ZBTB7C: variants seen among roughly 807,000 people sequenced by gnomAD.
ZBTB7C encodes zinc finger and BTB domain-containing protein 7C.
ZBTB7C carries 8 observed loss-of-function variants against 25.7 expected under a neutral mutation model. That is an observed-to-expected ratio of 0.31 (90% confidence interval 0.18 to 0.56). The LOEUF is 0.56. Ranked by LOEUF, ZBTB7C falls within the 20% of genes least tolerant of loss-of-function variation. The probability of loss-of-function intolerance (pLI) is 0.91; values close to 1 mark genes in which losing one functional copy is unlikely to be tolerated. For synonymous variants in ZBTB7C, 394 were observed against 369.0 expected, an observed-to-expected ratio of 1.07 and a Z score of -0.78; for missense variants, 824 against 855.2, an observed-to-expected ratio of 0.96 and a Z score of 0.46.
chr18:48,364,327 G>A (rs937657444), intron 1 of ZBTB7C: 1 of 152,376 alleles, frequency 6.6e-6, no homozygotes, highest in African/African-American at 2.4e-5. Context: ...CAGAGGGACA[G>A]GCTGCGGGAG....
At chr18:48,116,121 A>T (rs533278260) in intron 3 of ZBTB7C, among the ~76,000 whole-genome samples, 10 of 152,184 alleles carry the variant, frequency 6.6e-5, no homozygotes, top group African/African-American at 2.4e-4. Flanking sequence ...CCATTCCTCT[A>T]CACCGTCCCC....
chr18:48,242,191 T>C (rs1232487236), intron 2 of ZBTB7C, among the ~76,000 whole-genome samples: 1 of 152,014 alleles, frequency 6.6e-6, no homozygotes, highest in Admixed American at 6.5e-5. Context: ...AGCAGTGAGA[T>C]TGAAATGGTA....
At chr18:48,250,420 T>C (rs957185069) in intron 2 of ZBTB7C, among the ~76,000 whole-genome samples, 1 of 152,152 alleles carries the variant, frequency 6.6e-6, no homozygotes, top group Non-Finnish European at 1.5e-5. Context: ...CACAGCACTA[T>C]GTGAGCATTA....
At chr18:48,063,394 G>A (rs2037199479) in intron 3 of ZBTB7C, among the ~76,000 whole-genome samples, 2 of 152,232 alleles carry the variant, frequency 1.3e-5, no homozygotes, top group Admixed American at 6.5e-5. Context: ...TGCTTAACCT[G>A]GGCACCTTAA....
chr18:48,050,842 A>G (rs184045895), intron 3 of ZBTB7C, among the ~76,000 whole-genome samples: 2 of 152,236 alleles, frequency 1.3e-5, no homozygotes, highest in East Asian at 3.9e-4. Context: ...TGGGTTAACA[A>G]TGCCACATGC....
chr18:48,225,724 C>A (rs1252848117), intron 2 of ZBTB7C, among the ~76,000 whole-genome samples: 1 of 152,042 alleles, frequency 6.6e-6, no homozygotes, highest in African/African-American at 2.4e-5. Flanking sequence ...CTTAGAATGT[C>A]ACCATCATGT....
intron 2 of ZBTB7C, among the ~76,000 whole-genome samples, chr18:48,261,621 C>A (rs1179874432): frequency 6.6e-6 from 1 of 152,196 alleles, no homozygotes; most frequent in Non-Finnish European, 1.5e-5. Context: ...ACAGCTCTGC[C>A]TGGAATCCTC....
intron 2 of ZBTB7C, among the ~76,000 whole-genome samples, chr18:48,283,170 T>C (rs2044925622): frequency 6.6e-6 from 1 of 152,164 alleles, no homozygotes; most frequent in Non-Finnish European, 1.5e-5. Context: ...GACCTAGTAA[T>C]TCCAGTCCCA....
At chr18:48,250,126 C>T (rs1305806397) in intron 2 of ZBTB7C, among the ~76,000 whole-genome samples, 1 of 152,160 alleles carries the variant, frequency 6.6e-6, no homozygotes, top group Non-Finnish European at 1.5e-5. Flanking sequence ...AATGGATTTC[C>T]CCAGTGACAT....
chr18:48,328,948 G>A (rs967816733), intron 2 of ZBTB7C, among the ~76,000 whole-genome samples: 3 of 152,136 alleles, frequency 2.0e-5, no homozygotes, highest in Admixed American at 6.5e-5. Context: ...ACCATTAACC[G>A]TAAATCAAAG....
At chr18:48,320,444 C>A (rs544705943) in intron 2 of ZBTB7C, among the ~76,000 whole-genome samples, 4 of 152,278 alleles carry the variant, frequency 2.6e-5, no homozygotes, top group African/African-American at 9.6e-5. Flanking sequence ...CTGTCCGCTG[C>A]GCCTAGGAGA....
chr18:48,412,322 G>C (rs907911618), upstream of ZBTB7C, among the ~76,000 whole-genome samples: 1 of 152,142 alleles, frequency 6.6e-6, no homozygotes, highest in Admixed American at 6.5e-5. Flanking sequence ...AAAAAGAGGG[G>C]AATTAACATT....
At chr18:48,222,953 C>T (rs1381070120) in intron 2 of ZBTB7C, among the ~76,000 whole-genome samples, 1 of 152,182 alleles carries the variant, frequency 6.6e-6, no homozygotes, top group Non-Finnish European at 1.5e-5. Context: ...GAAGTCCCTG[C>T]CCCTGGAGCT....
chr18:48,141,265 TC>T, intron 3 of ZBTB7C, among the ~76,000 whole-genome samples: 1 of 152,016 alleles, frequency 6.6e-6, no homozygotes, highest in Non-Finnish European at 1.5e-5. Context: ...GAGAGGCCTT[TC>T]CTGACCACAT....
intron 1 of ZBTB7C, among the ~76,000 whole-genome samples, chr18:48,399,353 G>GA (rs2048106806): frequency 6.6e-6 from 1 of 152,144 alleles, no homozygotes; most frequent in Non-Finnish European, 1.5e-5. Flanking sequence ...GACCTATTCG[G>GA]AAAAATTAAA....
chr18:48,302,357 G>A (rs1369983704), intron 2 of ZBTB7C, among the ~76,000 whole-genome samples: 1 of 152,136 alleles, frequency 6.6e-6, no homozygotes, highest in African/African-American at 2.4e-5. Flanking sequence ...CTCAATCCCA[G>A]CCTTCAAGCG....
rs1432899885 is a variant in ZBTB7C, at chr18:48,039,978, C to T, written c.1130G>A (p.Gly377Glu). ...PICHKVIMGAGKLPRHMRTHT... is the reference protein window; with the variant it reads ...PICHKVIMGAEKLPRHMRTHT... ...GGTCCTCATGTGCCGCGGCAGCTTCCCGGCCCCCATGATGACTTTGTGGCA... is the reference window on the plus strand; with the variant it reads ...GGTCCTCATGTGCCGCGGCAGCTTCTCGGCCCCCATGATGACTTTGTGGCA... The change falls in exon 4 of 5, where the codon GGG becomes GAG. Residue 377 changes from glycine (G) to glutamate (E), a missense_variant. This residue lies in a region of ZBTB7C where 49 missense variants were observed against 81.3 expected (regional missense o/e 0.60). Coordinates refer to ENST00000590800, the MANE Select transcript of ZBTB7C (RefSeq NM_001318841.2). The T allele has an allele frequency of 6.2e-7, 1 of 1,614,084 alleles. No homozygotes were observed. The highest frequency in any genetic ancestry group is 1.3e-5 in the African/African-American group (1 of 75,052).
rs1387915024 is a variant in ZBTB7C at position 48,397,336 on chromosome 18, T to C, written c.-304+11890A>G. Among the ~76,000 whole-genome samples, 4 of 152,312 alleles carry C rather than the reference T, an allele frequency of 2.6e-5. No individual in the cohort carries two copies. The East Asian group carries it at 7.7e-4, about 29-fold the overall frequency. On this transcript the variant is annotated intron_variant, in intron 1 of 4. Transcript: ENST00000590800. ...ACACCTACAGATTTCTTCACTGAGC[T>C]TGGCCCCCATCATGTTGGTCCCGCT...
intron 3 of ZBTB7C, chr18:48,137,149 G>T (rs1201591793): frequency 3.0e-6 from 3 of 985,336 alleles, no homozygotes; most frequent in Non-Finnish European, 3.6e-6. Flanking sequence ...CGTGCTGGGC[G>T]AGTTAAGCCA....
Sources: gnomAD v4.1 joint callset for allele counts (sites outside exome capture counted in the v4.1 genomes callset) on GRCh38, gnomAD v4.1.1 for gene constraint, gnomAD v4.1.1 regional missense constraint, MANE v1.5 for transcripts, NCBI Gene and HGNC (gene_info 2026-07-23, HGNC 2026-07-21) for gene names.